Variants in STXBP6 observed in about 807,000 individuals in gnomAD.
STXBP6 encodes the protein syntaxin binding protein 6.
A neutral mutation model predicts 26.9 loss-of-function variants in STXBP6; 21 were observed. That is an observed-to-expected ratio of 0.78 (90% CI 0.55 to 1.12). The LOEUF is 1.12. Among genes scored for constraint, STXBP6 ranks in the 50% most tolerant of loss-of-function variants. The pLI, the probability that STXBP6 is intolerant of heterozygous loss-of-function variation, is 0.00. For missense variants in STXBP6, 232 were observed against 257.9 expected (o/e 0.90, Z 0.69); for synonymous variants, 97 against 92.6 (o/e 1.05, Z -0.27).
intron 1 of STXBP6, among the ~76,000 whole-genome samples, chr14:24,981,524 C>A (rs1342334317): frequency 6.6e-6 from 1 of 152,182 alleles, no homozygotes; most frequent in African/African-American, 2.4e-5. Flanking sequence ...CCTGCCTCAG[C>A]CTCCCAAAGT....
intron 1 of STXBP6, among the ~76,000 whole-genome samples, chr14:25,026,905 C>T (rs1216868783): frequency 6.6e-6 from 1 of 152,118 alleles, no homozygotes; most frequent in Non-Finnish European, 1.5e-5. Flanking sequence ...AGCATGGAAC[C>T]ACCAGGTGAG....
At chr14:24,942,401 C>T (rs2072835377) in intron 2 of STXBP6, among the ~76,000 whole-genome samples, 1 of 152,138 alleles carries the variant, frequency 6.6e-6, no homozygotes, top group South Asian at 2.1e-4. Context: ...AGCAGACTAC[C>T]TGGAAAGAGT....
At chr14:24,835,674 A>G (rs898975130) in intron 4 of STXBP6, among the ~76,000 whole-genome samples, 4 of 152,228 alleles carry the variant, frequency 2.6e-5, no homozygotes, top group Non-Finnish European at 4.4e-5. Flanking sequence ...AGTAGGTGCT[A>G]TTAAAAAATA....
chr14:24,861,731 G>A (rs1409615463), intron 2 of STXBP6, among the ~76,000 whole-genome samples: 1 of 152,174 alleles, frequency 6.6e-6, no homozygotes, highest in Non-Finnish European at 1.5e-5. Flanking sequence ...GGAGCATGGT[G>A]CTCTCCACAC....
chr14:25,035,831 T>G (rs1317746040), intron 1 of STXBP6, among the ~76,000 whole-genome samples: 1 of 152,148 alleles, frequency 6.6e-6, no homozygotes, highest in East Asian at 1.9e-4. Flanking sequence ...TTATAGGTGT[T>G]AAAAATAAAG....
In STXBP6 at chr14:25,024,984, T is replaced by C. The variant is rs182619262; in HGVS notation, c.-33+24894A>G. 3.0e-3 allele frequency among the ~76,000 whole-genome samples: 455 copies of C among 152,318 alleles called. 1 individual carries two copies. The highest frequency in any genetic ancestry group is 9.9e-3 in the African/African-American group (412 of 41,568). Reference sequence around the variant, plus strand: ...ACCCACATGGAAAGGTGCCATATTATACCTAATTATTGCACAAACTAATGC... The same window carrying C: ...ACCCACATGGAAAGGTGCCATATTACACCTAATTATTGCACAAACTAATGC... On this transcript the variant is annotated intron_variant, in intron 1 of 5. Coordinates refer to ENST00000323944, the MANE Select transcript of STXBP6 (RefSeq NM_001394410.1).
chr14:24,969,333 A>G (rs1381937943), intron 2 of STXBP6, among the ~76,000 whole-genome samples: 1 of 152,252 alleles, frequency 6.6e-6, no homozygotes, highest in Non-Finnish European at 1.5e-5. Flanking sequence ...TATAAAGAGT[A>G]GCATCATATA....
intron 2 of STXBP6, among the ~76,000 whole-genome samples, chr14:24,888,179 A>C (rs2070658430): frequency 6.6e-6 from 1 of 152,270 alleles, no homozygotes; most frequent in Non-Finnish European, 1.5e-5. Flanking sequence ...TAAGGAGATT[A>C]TCTTTTAAAG....
rs1352171479 is a variant in STXBP6 at position 24,838,114 on chromosome 14, G to A, written c.451+17822C>T. 4.6e-5 allele frequency among the ~76,000 whole-genome samples: 7 copies of A among 152,288 alleles called. No homozygotes were observed. The East Asian group carries it at 1.3e-3, about 29-fold the overall frequency. On this transcript the variant is annotated intron_variant, in intron 4 of 5. Transcript: ENST00000323944. ...GTACACGATCTCAGTGCATAGCAAT[G>A]ATCCTCCCACCTCAGCCTCCCAAGT...
rs115442934 is a variant in STXBP6 at position 24,877,586 on chromosome 14, A to T, written c.155-20429T>A. On this transcript the variant is annotated intron_variant, in intron 2 of 5. Transcript: ENST00000323944. ...GGAACTCCTCAAGATTCGTGGAAAA[A>T]ATCTAAATTCACAGCAAACTTCTTC... 5.5e-3 allele frequency among the ~76,000 whole-genome samples: 834 copies of T among 152,168 alleles called. 8 individuals are homozygous for T. The highest frequency in any genetic ancestry group is 0.019 in the African/African-American group (803 of 41,510).
At chr14:24,864,150 G>A (rs1394465706) in intron 2 of STXBP6, among the ~76,000 whole-genome samples, 1 of 152,002 alleles carries the variant, frequency 6.6e-6, no homozygotes, top group African/African-American at 2.4e-5. Context: ...CCATTCTTAG[G>A]CGAGATTTAC....
intron 2 of STXBP6, among the ~76,000 whole-genome samples, chr14:24,914,420 A>G (rs2071683513): frequency 6.6e-6 from 1 of 152,226 alleles, no homozygotes. Context: ...ATTTCAAAAT[A>G]CTGGCTACTG....
intron 1 of STXBP6, among the ~76,000 whole-genome samples, chr14:24,980,033 T>C (rs1566531085): frequency 6.6e-6 from 1 of 152,184 alleles, no homozygotes; most frequent in Non-Finnish European, 1.5e-5. Flanking sequence ...ATTTTGTAAA[T>C]GTTAAAATCT....
chr14:24,982,401 A>G (rs8019222), intron 1 of STXBP6, among the ~76,000 whole-genome samples: 17,395 of 152,260 alleles, frequency 0.11, 1,085 homozygotes, highest in African/African-American at 0.14. Flanking sequence ...TTGCAGCTCA[A>G]TGCTGGAGCC....
chr14:24,845,214 G>A (rs992390208), intron 4 of STXBP6, among the ~76,000 whole-genome samples: 3 of 151,972 alleles, frequency 2.0e-5, no homozygotes, highest in African/African-American at 7.3e-5. Flanking sequence ...GGGTTTCACC[G>A]TGTTAGCCAG....
chr14:24,878,752 C>T (rs1431233771), intron 2 of STXBP6: 2 of 450,084 alleles, frequency 4.4e-6, no homozygotes, highest in Non-Finnish European at 4.5e-6. Flanking sequence ...GTTTCATCCT[C>T]ATTAGCTGGT....
intron 2 of STXBP6, among the ~76,000 whole-genome samples, chr14:24,939,692 T>G (rs1317379717): frequency 6.6e-6 from 1 of 152,370 alleles, no homozygotes; most frequent in East Asian, 1.9e-4. Context: ...ACATTCATTT[T>G]CTAATAGCCA....
At chr14:24,815,619 C>CA (rs1201582513) in intron 5 of STXBP6, 2 of 152,090 alleles carry the variant, frequency 1.3e-5, no homozygotes, top group Non-Finnish European at 2.9e-5. Context: ...TTCCCCCACA[C>CA]ACGTAGGCTA....
intron 1 of STXBP6, among the ~76,000 whole-genome samples, chr14:24,982,678 C>T (rs1276275097): frequency 1.3e-5 from 2 of 152,234 alleles, no homozygotes; most frequent in Non-Finnish European, 2.9e-5. Flanking sequence ...GAGCCCATGA[C>T]TCATGTCTGC....
Sources: allele counts gnomAD v4.1 joint callset (sites outside exome capture counted in the v4.1 genomes callset), GRCh38; gene constraint gnomAD v4.1.1; transcripts MANE v1.5; gene names NCBI Gene and HGNC (gene_info 2026-07-23, HGNC 2026-07-21).